KCNIP4: variants seen among roughly 807,000 people sequenced by gnomAD.
The protein encoded by KCNIP4 is Kv channel-interacting protein 4.
A neutral mutation model predicts 34.0 loss-of-function variants in KCNIP4; 12 were observed. The observed-to-expected ratio is 0.35, with a 90% confidence interval of 0.23 to 0.57. KCNIP4 has a LOEUF of 0.57. Among genes scored for constraint, KCNIP4 ranks in the 20% least tolerant of loss-of-function variants. The pLI, the probability that KCNIP4 is intolerant of heterozygous loss-of-function variation, is 0.83. For synonymous variants in KCNIP4, 124 were observed against 102.2 expected, an observed-to-expected ratio of 1.21 and a Z score of -1.29; for missense variants, 238 against 311.7, an observed-to-expected ratio of 0.76 and a Z score of 1.78.
chr4:21,470,823 CAA>C (rs61211007), intron 1 of KCNIP4, among the ~76,000 whole-genome samples: 18,618 of 148,228 alleles, frequency 0.13, 1,299 homozygotes, highest in South Asian at 0.17. Context: ...GATAATTTAA[CAA>C]AAAAAAAAAA....
chr4:21,713,288 A>G (rs768958204), intron 1 of KCNIP4, among the ~76,000 whole-genome samples: 1 of 152,246 alleles, frequency 6.6e-6, no homozygotes, highest in African/African-American at 2.4e-5. Flanking sequence ...CAAATTGAGA[A>G]GAAAATCTTT....
rs117317618 is a variant in KCNIP4 at position 20,742,273 on chromosome 4, A to T, written c.429+7389T>A. ...CCTAGCAGAGATACAACAAAAAAGAATTTTAGACCAATATCCCTGCTGAAC... is the reference window on the plus strand; with the variant it reads ...CCTAGCAGAGATACAACAAAAAAGATTTTTAGACCAATATCCCTGCTGAAC... On this transcript the variant is annotated intron_variant, in intron 5 of 8. Transcript: ENST00000382152. Among the ~76,000 whole-genome samples the T allele has an allele frequency of 2.3e-3, 355 of 152,298 alleles. 8 individuals carry two copies. The South Asian group carries it at 0.046, about 20-fold the overall frequency.
chr4:21,655,298 T>C (rs975965466), intron 1 of KCNIP4, among the ~76,000 whole-genome samples: 9 of 152,062 alleles, frequency 5.9e-5, no homozygotes, highest in African/African-American at 2.2e-4. Context: ...TAATCTGCAA[T>C]GCAAGCCAAA....
At chr4:21,051,669 C>G (rs1259943651) in intron 1 of KCNIP4, among the ~76,000 whole-genome samples, 1 of 152,094 alleles carries the variant, frequency 6.6e-6, no homozygotes. Context: ...GCCCTGAACA[C>G]AAAACTTTAA....
intron 1 of KCNIP4, among the ~76,000 whole-genome samples, chr4:21,571,647 G>A (rs1473001911): frequency 6.6e-6 from 1 of 151,932 alleles, no homozygotes; most frequent in Admixed American, 6.6e-5. Context: ...AAGATGAGCA[G>A]GCAAGTTAAA....
At chr4:21,201,603 A>C (rs1420698679) in intron 1 of KCNIP4, among the ~76,000 whole-genome samples, 1 of 152,144 alleles carries the variant, frequency 6.6e-6, no homozygotes, top group Non-Finnish European at 1.5e-5. Flanking sequence ...GGTTCACGCC[A>C]TTCTCCTGCC....
chr4:20,947,905 A>G (rs1018296867), intron 1 of KCNIP4, among the ~76,000 whole-genome samples: 1 of 152,172 alleles, frequency 6.6e-6, no homozygotes, highest in Non-Finnish European at 1.5e-5. Flanking sequence ...GTAAACTTGG[A>G]TCCCAGTTCC....
intron 1 of KCNIP4, among the ~76,000 whole-genome samples, chr4:21,760,908 G>T (rs762205460): frequency 6.6e-6 from 1 of 152,056 alleles, no homozygotes; most frequent in Admixed American, 6.6e-5. Context: ...TCATTTAACA[G>T]ATATTCATTC....
At chr4:21,400,520 CTTCTCTTCTCTTCTCTTCTCTTCTCTT>C (rs1723432478) in intron 1 of KCNIP4, among the ~76,000 whole-genome samples, 1 of 35,992 alleles carries the variant, frequency 2.8e-5, no homozygotes, top group Non-Finnish European at 5.5e-5. Flanking sequence ...TTCCTCTTCT[CTTCTCTTCTCTTCTCTTCTCTTCTCTT>C]CTCTTCTCTT....
chr4:21,838,371 G>A (rs1320352158), intron 1 of KCNIP4, among the ~76,000 whole-genome samples: 1 of 152,156 alleles, frequency 6.6e-6, no homozygotes, highest in Non-Finnish European at 1.5e-5. Flanking sequence ...AATCGCAATG[G>A]ACAATTCCTA....
chr4:20,760,171 T>C (rs532112330), intron 3 of KCNIP4, among the ~76,000 whole-genome samples: 2 of 152,158 alleles, frequency 1.3e-5, no homozygotes, highest in African/African-American at 2.4e-5. Context: ...TAGTCTCTTT[T>C]AGTAGATTCT....
chr4:20,920,072 A>G (rs1729242166), intron 1 of KCNIP4, among the ~76,000 whole-genome samples: 1 of 152,226 alleles, frequency 6.6e-6, no homozygotes, highest in African/African-American at 2.4e-5. Flanking sequence ...TTATTACACC[A>G]TTCTTAAGTA....
At chr4:21,673,834 C>T (rs368044964) in intron 1 of KCNIP4, among the ~76,000 whole-genome samples, 2 of 152,250 alleles carry the variant, frequency 1.3e-5, no homozygotes, top group Admixed American at 1.3e-4. Flanking sequence ...AACAACAGTA[C>T]CTTACTTCAT....
chr4:20,808,840 C>A (rs910771772), intron 3 of KCNIP4, among the ~76,000 whole-genome samples: 1 of 152,154 alleles, frequency 6.6e-6, no homozygotes, highest in Non-Finnish European at 1.5e-5. Flanking sequence ...CACTCTCCCC[C>A]ATCTCCACCT....
intron 1 of KCNIP4, among the ~76,000 whole-genome samples, chr4:21,407,161 AT>A (rs933813109): frequency 6.6e-6 from 1 of 151,680 alleles, no homozygotes; most frequent in African/African-American, 2.4e-5. Context: ...CTCTTAATTT[AT>A]ATTTTGCTTT....
intron 1 of KCNIP4, among the ~76,000 whole-genome samples, chr4:21,822,162 ATAT>A (rs2109291497): frequency 6.6e-6 from 1 of 152,332 alleles, no homozygotes; most frequent in Admixed American, 6.5e-5. Context: ...AGACATATTG[ATAT>A]TGTCTTCACA....
At chr4:21,294,505 A>G (rs1763726410) in intron 1 of KCNIP4, among the ~76,000 whole-genome samples, 1 of 152,226 alleles carries the variant, frequency 6.6e-6, no homozygotes, top group African/African-American at 2.4e-5. Flanking sequence ...TATCATGAAA[A>G]GCATTCACAA....
chr4:21,268,712 A>G (rs536694467), intron 1 of KCNIP4, among the ~76,000 whole-genome samples: 2 of 152,324 alleles, frequency 1.3e-5, no homozygotes, highest in Admixed American at 1.3e-4. Context: ...TCATTCACCA[A>G]TATTTTCCAA....
chr4:20,947,860 C>A (rs1433423600), intron 1 of KCNIP4, among the ~76,000 whole-genome samples: 1 of 152,300 alleles, frequency 6.6e-6, no homozygotes, highest in Admixed American at 6.5e-5. Flanking sequence ...CTGCATGTGA[C>A]CCTAAGAGGA....
Sources: gnomAD v4.1 joint callset for allele counts (sites outside exome capture counted in the v4.1 genomes callset) on GRCh38, gnomAD v4.1.1 for gene constraint, MANE v1.5 for transcripts, NCBI Gene and HGNC (gene_info 2026-07-23, HGNC 2026-07-21) for gene names.